Variants in POTEM observed in about 807,000 individuals in gnomAD.
The protein encoded by POTEM is POTE ankyrin domain family member M, also known as putative POTE ankyrin domain family member M.
For missense variants in POTEM, 24 were observed against 343.0 expected (o/e 0.07, Z 7.35); for synonymous variants, 8 against 113.2 (o/e 0.07, Z 5.90).
At chr14:18,969,352 C>T (rs1312501651) in intron 1 of POTEM, among the ~76,000 whole-genome samples, 6 of 91,340 alleles carry the variant, frequency 6.6e-5, no homozygotes, top group African/African-American at 1.9e-4. Context: ...CATATATATA[C>T]ATGTGTATAT....
At chr14:18,969,377 A>ATATATATG (rs774364547) in intron 1 of POTEM, among the ~76,000 whole-genome samples, 1 of 129,808 alleles carries the variant, frequency 7.7e-6, no homozygotes, top group Non-Finnish European at 1.6e-5. Flanking sequence ...ATATATATAT[A>ATATATATG]TACACAAAAT....
At chr14:18,969,357 GTATATATA>G (rs201392796) in intron 1 of POTEM, among the ~76,000 whole-genome samples, 31 of 105,368 alleles carry the variant, frequency 2.9e-4, no homozygotes, top group Non-Finnish European at 2.9e-4. Context: ...ATATACATGT[GTATATATA>G]TATATATATA....
intron 9 of POTEM, among the ~76,000 whole-genome samples, chr14:18,996,319 TAAAATACATAGG>T: frequency 6.8e-6 from 1 of 147,628 alleles, no homozygotes; most frequent in Non-Finnish European, 1.5e-5. Context: ...AAGTTGTTTA[TAAAATACATAGG>T]AATCAAGAAT....
chr14:18,992,572 CCTTA>C (rs1266151865), intron 9 of POTEM: 2 of 96,226 alleles, frequency 2.1e-5, no homozygotes, highest in African/African-American at 1.5e-4. Context: ...ATTACCATAT[CCTTA>C]CTTCTTAGAA....
intron 5 of POTEM, 58 bp from the exon 6 acceptor site, chr14:18,980,012 GGTAA>G: frequency 2.8e-6 from 2 of 704,180 alleles, no homozygotes; most frequent in Non-Finnish European, 5.0e-6. Context: ...TTTCACATTT[GGTAA>G]GTATTTTTTA....
rs1424844897 is a variant in POTEM, at chr14:19,000,095, AT to A, written c.*1436del. The stretch of plus-strand genomic sequence containing the variant: ...ATGGCTTTAATTGTTTTCTTATTTC[AT>A]TTTTTGTTTTGTTTTTTATTGGCTT... On this transcript the variant is annotated 3_prime_UTR_variant, in exon 11 of 11. Transcript: ENST00000547889. Among the ~76,000 whole-genome samples the A allele has an allele frequency of 3.9e-5, 3 of 77,864 alleles. No individual in the cohort carries two copies. Among genetic ancestry groups the A allele is most frequent in the Non-Finnish European group, 6.9e-5 (3 of 43,282 alleles). 51.1% of individuals were successfully genotyped at this position (77,864 alleles called of 152,430 possible).
At chr14:18,981,500 A>G (rs1242990012) in intron 6 of POTEM, among the ~76,000 whole-genome samples, 1 of 144,028 alleles carries the variant, frequency 6.9e-6, no homozygotes, top group Non-Finnish European at 1.5e-5. Context: ...TGTGCCAGAC[A>G]TATGTGATGA....
intron 9 of POTEM, among the ~76,000 whole-genome samples, chr14:18,991,070 G>A: frequency 8.4e-6 from 1 of 119,700 alleles, no homozygotes; most frequent in East Asian, 2.4e-4. Flanking sequence ...TTTTAGTAGT[G>A]ACAGGGTTTC....
chr14:18,980,019 AT>A (rs529217320), intron 5 of POTEM, 54 bp from the exon 6 acceptor site: 6 of 664,950 alleles, frequency 9.0e-6, no homozygotes, highest in African/African-American at 1.9e-5. Context: ...TTTGGTAAGT[AT>A]TTTTTATATC....
intron 7 of POTEM, among the ~76,000 whole-genome samples, chr14:18,985,920 A>T (rs1471535394): frequency 7.7e-6 from 1 of 129,878 alleles, no homozygotes; most frequent in Non-Finnish European, 1.6e-5. Context: ...AAAAAAAAAA[A>T]AAAAAAAAAT....
At chr14:18,969,274 G>GAT (rs1280928185) in intron 1 of POTEM, among the ~76,000 whole-genome samples, 400 of 117,784 alleles carry the variant, frequency 3.4e-3, no homozygotes, top group African/African-American at 0.013. Flanking sequence ...TACATATGCA[G>GAT]ATATATATAC....
At chr14:18,985,915 AAAAAAAAAAAAAAATAT>A (rs1891171609) in intron 7 of POTEM, among the ~76,000 whole-genome samples, 1 of 130,104 alleles carries the variant, frequency 7.7e-6, no homozygotes, top group Non-Finnish European at 1.6e-5. Context: ...AAAAAAAAAA[AAAAAAAAAAAAAAATAT>A]TTTAATAGAT....
At chr14:18,969,309 ATATATATG>A (rs1232150693) in intron 1 of POTEM, among the ~76,000 whole-genome samples, 161 of 47,016 alleles carry the variant, frequency 3.4e-3, no homozygotes, top group Middle Eastern at 0.013. Flanking sequence ...GTATATACGT[ATATATATG>A]TATATATATA....
chr14:18,991,101 C>A (rs1399641900), intron 9 of POTEM, among the ~76,000 whole-genome samples: 1 of 126,450 alleles, frequency 7.9e-6, no homozygotes, highest in East Asian at 2.2e-4. Context: ...CCAGGCTGGT[C>A]TCAAACTCCT....
intron 1 of POTEM, among the ~76,000 whole-genome samples, chr14:18,968,764 A>C: frequency 6.6e-6 from 1 of 152,304 alleles, no homozygotes; most frequent in Non-Finnish European, 1.5e-5. Context: ...CGGAGCTTGC[A>C]GTGAGCCGAG....
chr14:18,976,283 G>A (rs1456162855), intron 4 of POTEM, 128 bp downstream of exon 4: 1 of 84,372 alleles, frequency 1.2e-5, no homozygotes, highest in Non-Finnish European at 2.8e-5. Flanking sequence ...AAATCAGTTC[G>A]GTAGAAAAAC....
At chr14:18,968,534 T>A (rs1890818137) in intron 1 of POTEM, among the ~76,000 whole-genome samples, 1 of 151,158 alleles carries the variant, frequency 6.6e-6, no homozygotes, top group Non-Finnish European at 1.5e-5. Context: ...AGATGTGAGC[T>A]TTTTGGCTGG....
chr14:18,975,972 A>AT, intron 3 of POTEM, 77 bp from the exon 4 acceptor site: 2 of 101,880 alleles, frequency 2.0e-5, no homozygotes, highest in Non-Finnish European at 4.6e-5. Flanking sequence ...ATAAGATCTT[A>AT]TATAAAGTTT....
intron 6 of POTEM, among the ~76,000 whole-genome samples, chr14:18,983,215 A>G (rs1891126339): frequency 7.4e-6 from 1 of 134,366 alleles, no homozygotes; most frequent in African/African-American, 3.1e-5. Context: ...AAGACTTGTC[A>G]AAGATCCAAG....
Sources: gnomAD v4.1 joint callset for allele counts (sites outside exome capture counted in the v4.1 genomes callset) on GRCh38, gnomAD v4.1.1 for gene constraint, MANE v1.5 for transcripts, NCBI Gene and HGNC (gene_info 2026-07-23, HGNC 2026-07-21) for gene names.